Variants in PINK1 observed in about 807,000 individuals in gnomAD.
PINK1 encodes PTEN induced kinase 1.
In PINK1, 58 loss-of-function variants were observed where a neutral mutation model predicts 56.0. The observed-to-expected ratio is 1.04, with a 90% CI of 0.84 to 1.29. The LOEUF (loss-of-function observed/expected upper bound fraction) is 1.29, where lower values mean the gene tolerates loss of function less well. PINK1 is among the 50% of genes most tolerant of loss of function. The probability of loss-of-function intolerance (pLI) is 0.00; values close to 1 mark genes in which losing one functional copy is unlikely to be tolerated. For synonymous variants in PINK1, 354 were observed against 339.3 expected, an observed-to-expected ratio of 1.04 and a Z score of -0.48; for missense variants, 745 against 777.9, an observed-to-expected ratio of 0.96 and a Z score of 0.50.
chr1:20,644,944 G>A (rs909388257), intron 4 of PINK1, among the ~76,000 whole-genome samples: 4 of 152,164 alleles, frequency 2.6e-5, no homozygotes, highest in African/African-American at 9.7e-5. Context: ...TTCTGTGGCT[G>A]GACTTATCTG....
chr1:20,645,578 C>T lies in PINK1; in HGVS notation c.978C>T (p.Arg326=), dbSNP rs746502670. The T allele has an allele frequency of 6.2e-7, 1 of 1,614,016 alleles. No homozygotes were observed. Among genetic ancestry groups the T allele is most frequent in the South Asian group, 1.1e-5 (1 of 91,082 alleles). The stretch of plus-strand genomic sequence containing the variant: ...CCGCCAGCTATCCCTGTACCCTGCG[C>T]CAGTACCTTTGTGTGAACACACCCA... The part of the protein sequence containing the change: ...LVMKNYPCTL[R]QYLCVNTPSP... The change falls in exon 5 of 8, where the codon CGC becomes CGT. Residue 326 remains arginine, a synonymous_variant. Coordinates refer to ENST00000321556, the MANE Select transcript of PINK1 (RefSeq NM_032409.3).
intron 4 of PINK1, 63 bp from the exon 5 acceptor site, chr1:20,645,497 A>AAG (rs1260909076): frequency 3.3e-6 from 5 of 1,506,718 alleles, no homozygotes; most frequent in Non-Finnish European, 3.6e-6. Flanking sequence ...CAAAAAAAAA[A>AAG]AAAAAAACGT....
In PINK1 at chr1:20,649,209, T is replaced by C. The variant is rs1553146903; in HGVS notation, c.1466T>C (p.Leu489Pro). Residue 489 changes from leucine (L) to proline (P), a missense_variant, in exon 7 of 8, where the codon CTG becomes CCG. Physicochemically the swap from Leu to Pro is moderately conservative, Grantham distance 98. Coordinates refer to ENST00000321556, the MANE Select transcript of PINK1 (RefSeq NM_032409.3). ...GACGTGAGACAGTTGGTGAGGGCAC[T>C]GCTCCAGCGAGAGGCCAGCAAGGTG... is the stretch of plus-strand genomic sequence containing the variant. The part of the protein sequence containing the change: ...PPDVRQLVRA[L>P]LQREASKRPS... 1.9e-6 allele frequency: 3 copies of C among 1,614,124 alleles called. No homozygotes were observed. Among genetic ancestry groups the C allele is most frequent in the South Asian group, 1.1e-5 (1 of 91,088 alleles).
chr1:20,650,455 G>A lies in PINK1; in HGVS notation c.1510G>A (p.Ala504Thr), dbSNP rs779294259. Residue 504 changes from alanine to threonine, a missense_variant, in exon 8 of 8, where the codon GCA becomes ACA. Coordinates refer to ENST00000321556, the MANE Select transcript of PINK1 (RefSeq NM_032409.3). ...GCAGAGACCATCTGCCCGAGTAGCC[G>A]CAAATGTGCTTCATCTAAGCCTCTG... ...ASKRPSARVAANVLHLSLWGE... is the reference protein window; with the variant it reads ...ASKRPSARVATNVLHLSLWGE... 1.5e-5 allele frequency: 24 copies of A among 1,613,960 alleles called. No homozygotes were observed. The highest frequency in any genetic ancestry group is 1.8e-5 in the Non-Finnish European group (21 of 1,179,898).
intron 1 of PINK1, among the ~76,000 whole-genome samples, chr1:20,635,061 AT>A: frequency 6.6e-6 from 1 of 152,196 alleles, no homozygotes; most frequent in Non-Finnish European, 1.5e-5. Context: ...AGGATGGGAA[AT>A]TTGACTAATC....
chr1:20,643,762 T>C (rs757206568), intron 3 of PINK1, among the ~76,000 whole-genome samples: 3 of 152,154 alleles, frequency 2.0e-5, no homozygotes, highest in Non-Finnish European at 4.4e-5. Flanking sequence ...TTGACAACCT[T>C]ATGCAGCGTG....
chr1:20,648,695 G>T, intron 6 of PINK1, 63 bp downstream of exon 6: 1 of 1,600,646 alleles, frequency 6.2e-7, no homozygotes, highest in Non-Finnish European at 8.5e-7. Context: ...CTGAATGCAG[G>T]AGACTCGATG....
chr1:20,643,501 T>G (rs901535906), intron 3 of PINK1, among the ~76,000 whole-genome samples: 2 of 152,190 alleles, frequency 1.3e-5, no homozygotes, highest in Non-Finnish European at 2.9e-5. Context: ...TGGAGAAAAT[T>G]CAGGCACAGT....
chr1:20,649,337 T>G, intron 7 of PINK1, 106 bp downstream of exon 7: 1 of 1,228,490 alleles, frequency 8.1e-7, no homozygotes, highest in Non-Finnish European at 1.2e-6. Context: ...AGATCCTCTG[T>G]GTTAGGAAGG....
chr1:20,647,053 A>ATTTT (rs71585775), intron 5 of PINK1, among the ~76,000 whole-genome samples: 922 of 91,452 alleles, frequency 0.01, 39 homozygotes, highest in Middle Eastern at 0.038. Flanking sequence ...CTAATTTTTG[A>ATTTT]TTTTTTTTTT....
At chr1:20,639,192 T>C (rs1285499547) in intron 2 of PINK1, 1 of 160,106 alleles carries the variant, frequency 6.2e-6, no homozygotes, top group Non-Finnish European at 1.4e-5. Flanking sequence ...GAATGAAGGT[T>C]ATTAGACTGT....
rs763416852 is a variant in PINK1 at position 20,648,534 on chromosome 1, T to G, written c.1153T>G (p.Phe385Val). ...CTGCCCCTGGCTGGTGATCGCAGATTTTGGCTGCTGCCTGGCTGATGAGAG... is the reference window on the plus strand; with the variant it reads ...CTGCCCCTGGCTGGTGATCGCAGATGTTGGCTGCTGCCTGGCTGATGAGAG... ...DGCPWLVIAD[F>V]GCCLADESIG... The change falls in exon 6 of 8, where the codon TTT (phenylalanine) becomes GTT (valine). Residue 385 changes from phenylalanine to valine, a missense_variant. By Grantham distance (50) the Phe-to-Val change is conservative. Transcript: ENST00000321556. 1 of 1,614,000 alleles carries G rather than the reference T, an allele frequency of 6.2e-7. No individual in the cohort carries two copies. Among genetic ancestry groups the G allele is most frequent in the Non-Finnish European group, 8.5e-7 (1 of 1,180,018 alleles).
At chr1:20,647,162 T>G (rs140353445) in intron 5 of PINK1, among the ~76,000 whole-genome samples, 2,471 of 148,636 alleles carry the variant, frequency 0.017, 35 homozygotes, top group Non-Finnish European at 0.026. Context: ...GTTCACACCA[T>G]TCTCCTGCTT....
At chr1:20,637,229 G>A (rs1166529267) in intron 1 of PINK1, among the ~76,000 whole-genome samples, 1 of 152,194 alleles carries the variant, frequency 6.6e-6, no homozygotes. Context: ...CCAGATTTTT[G>A]TCACATGGCC....
chr1:20,639,450 G>A (rs1478238121), intron 2 of PINK1: 1 of 259,988 alleles, frequency 3.8e-6, no homozygotes, highest in Non-Finnish European at 7.8e-6. Context: ...TGTCGTGGGG[G>A]ATGGAGGAAG....
At position 20,641,896 on chromosome 1, in the gene PINK1, C is replaced by T. The variant is rs192356923; in HGVS notation, c.776+1904C>T. Among the ~76,000 whole-genome samples, 2 of 152,174 alleles carry T rather than the reference C, an allele frequency of 1.3e-5. No individual in the cohort carries two copies. The highest frequency in any genetic ancestry group is 4.8e-5 in the African/African-American group (2 of 41,438). On this transcript the variant is annotated intron_variant, in intron 3 of 7. Transcript: ENST00000321556. The surrounding 1 kb of genome is among the most constrained non-coding windows in gnomAD (Gnocchi z 4.0). ...CATTTCAGGTCTCAGTTCAGACACC[C>T]GCAACCCCACCATGTATCTCCCCAG...
chr1:20,644,711 A>G, intron 4 of PINK1, 39 bp downstream of exon 4: 1 of 1,609,640 alleles, frequency 6.2e-7, no homozygotes, highest in South Asian at 1.1e-5. Context: ...GAGCTGATAC[A>G]TCTCCCAAGG....
intron 5 of PINK1, among the ~76,000 whole-genome samples, chr1:20,646,572 A>G (rs1458419664): frequency 6.6e-6 from 1 of 152,022 alleles, no homozygotes; most frequent in African/African-American, 2.4e-5. Context: ...TGAACCCGGG[A>G]GGCGGAGGTT....
chr1:20,650,654 C>A lies in PINK1; in HGVS notation c.1709C>A (p.Ala570Glu). 1 of 1,614,128 alleles carries A rather than the reference C, an allele frequency of 6.2e-7. No individual in the cohort carries two copies. The highest frequency in any genetic ancestry group is 8.5e-7 in the Non-Finnish European group (1 of 1,180,042). The change falls in exon 8 of 8, where the codon GCA becomes GAA. Residue 570 changes from alanine (A) to glutamate (E), a missense_variant. Ala to Glu is a moderately radical substitution (Grantham distance 107). Transcript: ENST00000321556. ...CTGGAGTGTGAAACGCTCTGCCAGG[C>A]AGCCCTCCTCCTCTGCTCATGGAGG... is the stretch of plus-strand genomic sequence containing the variant. Reference protein sequence around the residue: ...ANLECETLCQAALLLCSWRAA... With the variant: ...ANLECETLCQEALLLCSWRAA...
Sources: gnomAD v4.1 joint callset for allele counts (sites outside exome capture counted in the v4.1 genomes callset) on GRCh38, gnomAD v4.1.1 for gene constraint, Gnocchi (gnomAD v3.1) non-coding constraint, MANE v1.5 for transcripts, NCBI Gene and HGNC (gene_info 2026-07-23, HGNC 2026-07-21) for gene names.